The following CGN variants were observed in gnomAD, a reference collection of about 807,000 sequenced individuals.
CGN encodes cingulin.
In CGN, 121 loss-of-function variants were observed where a neutral mutation model predicts 157.1. The observed-to-expected ratio is 0.77, with a 90% confidence interval of 0.66 to 0.90. The LOEUF (loss-of-function observed/expected upper bound fraction) is 0.90. Ranked by LOEUF, CGN falls within the 40% of genes least tolerant of loss-of-function variation. The pLI is 0.00. For missense variants in CGN, 1,424 were observed against 1,520.9 expected, an observed-to-expected ratio of 0.94 and a Z score of 1.06; for synonymous variants, 535 against 607.5, an observed-to-expected ratio of 0.88 and a Z score of 1.76.
At chr1:151,516,547 T>C in intron 1 of CGN, among the ~76,000 whole-genome samples, 1 of 151,304 alleles carries the variant, frequency 6.6e-6, no homozygotes, top group Non-Finnish European at 1.5e-5. Flanking sequence ...TGGCACTTTT[T>C]TTTTTTTTTT....
At position 151,518,675 on chromosome 1, in the gene CGN, G is replaced by A; in HGVS notation, c.156G>A (p.Gly52=). Residue 52 remains glycine (G), a synonymous_variant, in exon 2 of 21, where the codon GGG becomes GGA. Coordinates refer to ENST00000271636, the MANE Select transcript of CGN (RefSeq NM_020770.3). ...AGGATGCAAGAGCCAGTACCTACGG[G>A]GTTGCTGTGCGTGTGCAGGGAATCG... ...PAKDARASTY[G]VAVRVQGIAG... The A allele has an allele frequency of 6.2e-7, 1 of 1,614,206 alleles. No homozygotes were observed. Among genetic ancestry groups the A allele is most frequent in the South Asian group, 1.1e-5 (1 of 91,082 alleles).
chr1:151,532,380 G>T, intron 13 of CGN, 22 bp from the exon 14 acceptor site: 1 of 1,533,978 alleles, frequency 6.5e-7, no homozygotes, highest in South Asian at 1.3e-5. Flanking sequence ...CAGTGCTGAA[G>T]ACCCTTTTCT....
chr1:151,522,730 A>G (rs1664569542), intron 5 of CGN, among the ~76,000 whole-genome samples: 1 of 152,104 alleles, frequency 6.6e-6, no homozygotes, highest in Non-Finnish European at 1.5e-5. Context: ...CCTGACCAAC[A>G]TGGAGAAACC....
chr1:151,520,643 T>A lies in CGN; in HGVS notation c.1092T>A (p.Leu364=). The part of the protein sequence containing the change: ...STKAVAGQGE[L]TRKVEELQRK... ...AGGCCGTGGCAGGGCAGGGTGAGCTTACCCGAAAAGTGGAGGAGCTACAGC... is the reference window on the plus strand; with the variant it reads ...AGGCCGTGGCAGGGCAGGGTGAGCTAACCCGAAAAGTGGAGGAGCTACAGC... The change falls in exon 5 of 21, where the codon CTT becomes CTA. Residue 364 remains leucine (L), a synonymous_variant. Transcript: ENST00000271636. 1 of 1,614,142 alleles carries A rather than the reference T, an allele frequency of 6.2e-7. No homozygotes were observed. The highest frequency in any genetic ancestry group is 8.5e-7 in the Non-Finnish European group (1 of 1,180,020).
rs745824318 is a variant in CGN at position 151,533,986 on chromosome 1, G to A, written c.2754G>A (p.Leu918=). The part of the protein sequence containing the change: ...LSRLQDEIQR[L]RQALQASQAE... Reference sequence around the variant, plus strand: ...TACCCCCTGCCCAGATCCAGAGGCTGCGGCAGGCCCTGCAGGCATCCCAGG... The same window carrying A: ...TACCCCCTGCCCAGATCCAGAGGCTACGGCAGGCCCTGCAGGCATCCCAGG... Residue 918 remains leucine, a synonymous_variant, in exon 15 of 21, where the codon CTG becomes CTA. Transcript: ENST00000271636. The A allele has an allele frequency of 6.2e-7, 1 of 1,608,524 alleles. No homozygotes were observed. The highest frequency in any genetic ancestry group is 8.5e-7 in the Non-Finnish European group (1 of 1,178,526).
intron 13 of CGN, among the ~76,000 whole-genome samples, chr1:151,531,200 C>A (rs1664829289): frequency 6.6e-6 from 1 of 152,018 alleles, no homozygotes; most frequent in South Asian, 2.1e-4. Flanking sequence ...GTTAGGAAGA[C>A]CAAGACCAAA....
rs1016990584 is a variant in CGN, at chr1:151,518,819, C to T, written c.300C>T (p.Leu100=). ...GAGCTCTGAGCTCAGATTTGGAACT[C>T]CCTGAGAACCCCTACTCTCAGGTCA... is the stretch of plus-strand genomic sequence containing the variant. ...ASGALSSDLE[L]PENPYSQVKG... Residue 100 remains leucine (L), a synonymous_variant, in exon 2 of 21, where the codon CTC becomes CTT. Coordinates refer to ENST00000271636, the MANE Select transcript of CGN (RefSeq NM_020770.3). The T allele has an allele frequency of 1.9e-6, 3 of 1,613,986 alleles. No individual in the cohort carries two copies. The highest frequency in any genetic ancestry group is 2.5e-6 in the Non-Finnish European group (3 of 1,179,922).
intron 1 of CGN, among the ~76,000 whole-genome samples, chr1:151,518,224 AGTGAGT>A (rs1664454424): frequency 6.6e-6 from 1 of 152,208 alleles, no homozygotes; most frequent in Non-Finnish European, 1.5e-5. Flanking sequence ...CTTTTAGGTT[AGTGAGT>A]CTCAAAGTGT....
At chr1:151,534,626 T>C in intron 15 of CGN, 1 of 232,832 alleles carries the variant, frequency 4.3e-6, no homozygotes. Flanking sequence ...GTGGTAAATC[T>C]GATTTTCAGA....
In CGN at chr1:151,536,289, G is replaced by C. The variant is rs745520171; in HGVS notation, c.3250G>C (p.Glu1084Gln). The change falls in exon 19 of 21, where the codon GAA becomes CAA. Residue 1084 changes from glutamate to glutamine, a missense_variant. Glu to Gln is a conservative substitution (Grantham distance 29). This residue lies in a region of CGN where 199 missense variants were observed against 272.2 expected (regional missense o/e 0.73). Transcript: ENST00000271636. The stretch of plus-strand genomic sequence containing the variant: ...TCGAAAACTGGAGCGGAAAGTTAAA[G>C]AACTATCCATCCAGATTGAAGACGA... ...TNRKLERKVK[E>Q]LSIQIEDERQ... The C allele has an allele frequency of 1.9e-6, 3 of 1,613,146 alleles. No homozygotes were observed. In the Admixed American group the frequency reaches 5.0e-5, roughly 27 times the overall value.
Position 151,535,531 on chromosome 1 carries a change from C to T in CGN, c.2995-69C>T, listed in dbSNP as rs553557503. On this transcript the variant is annotated intron_variant, in intron 16 of 20. Coordinates refer to ENST00000271636, the MANE Select transcript of CGN (RefSeq NM_020770.3). ...AGACCATCCTCCCATGACTCAGCCT[C>T]ACTTTGTTCAGCTTGCTGGTTCATC... 113 of 1,254,184 alleles carry T rather than the reference C, an allele frequency of 9.0e-5. 6 individuals carry two copies. The South Asian group carries it at 1.2e-3, about 14-fold the overall frequency. 77.7% of individuals were successfully genotyped at this position (1,254,184 alleles called of 1,614,324 possible).
rs1270520670 is a variant in CGN, at chr1:151,511,958, G to C, written c.-15+443G>C. Among the ~76,000 whole-genome samples the C allele has an allele frequency of 2.0e-5, 3 of 152,158 alleles. No individual in the cohort carries two copies. Among genetic ancestry groups the C allele is most frequent in the Non-Finnish European group, 4.4e-5 (3 of 68,020 alleles). ...TGCTGCTCGCCTGAGGGTCTTTCCT[G>C]CGTCCTGCGGTCTCAGCTGGCCGTT... On this transcript the variant is annotated intron_variant, in intron 1 of 20. Transcript: ENST00000271636. This position sits in a 1 kb window ranked among gnomAD's most constrained non-coding sequence, Gnocchi z 4.8.
Position 151,518,777 on chromosome 1 carries a change from T to C in CGN, c.258T>C (p.Asn86=), listed in dbSNP as rs576438381. The change falls in exon 2 of 21, where the codon AAT becomes AAC. Residue 86 remains asparagine, a synonymous_variant. Transcript: ENST00000271636. ...TTGGGGTCCAAATCAAGGGGGCCAA[T>C]GACCAAGGGGCCTCAGGAGCTCTGA... ...DSFGVQIKGA[N]DQGASGALSS... The C allele has an allele frequency of 5.0e-6, 8 of 1,614,082 alleles. No individual in the cohort carries two copies. In the South Asian group the frequency reaches 7.7e-5, roughly 16 times the overall value.
intron 15 of CGN, chr1:151,534,776 T>C: frequency 2.4e-6 from 1 of 422,370 alleles, no homozygotes; most frequent in South Asian, 2.9e-5. Context: ...GAAATAAGGT[T>C]TTCCAATGAA....
At chr1:151,529,143 G>A (rs918069819) in intron 10 of CGN, among the ~76,000 whole-genome samples, 7 of 152,056 alleles carry the variant, frequency 4.6e-5, no homozygotes, top group South Asian at 2.1e-4. Context: ...ACATATTTTC[G>A]GTTCTCTTGG....
chr1:151,527,159 C>T (rs2298168), intron 10 of CGN, 52 bp downstream of exon 10: 1,230,846 of 1,608,032 alleles, frequency 0.77, 488,590 homozygotes, highest in Non-Finnish European at 0.83. Context: ...GAACACCTGC[C>T]TTACCTCTCC....
Position 151,524,079 on chromosome 1 carries a change from A to G in CGN, c.1269-147A>G, listed in dbSNP as rs1664611267. On this transcript the variant is annotated intron_variant, in intron 6 of 20. Coordinates refer to ENST00000271636, the MANE Select transcript of CGN (RefSeq NM_020770.3). This position sits in a 1 kb window ranked among gnomAD's most constrained non-coding sequence, Gnocchi z 4.4. ...AGGCAGATCAGGAGGGCCAGGTTGT[A>G]GCGGGGCAGGTTGCAAAAATCAGGG... The G allele has an allele frequency of 2.9e-6, 2 of 681,818 alleles. No individual in the cohort carries two copies. Among genetic ancestry groups the G allele is most frequent in the South Asian group, 3.9e-5 (2 of 51,830 alleles). The allele number at this position is 681,818 out of a possible 1,614,324, so 42.2% of individuals were successfully genotyped here. A position where few individuals can be genotyped will look rare whatever the true frequency, so the allele number is the denominator to read the frequency against.
chr1:151,519,695 G>A (rs1316292068), intron 2 of CGN, among the ~76,000 whole-genome samples: 1 of 152,222 alleles, frequency 6.6e-6, no homozygotes, highest in Admixed American at 6.5e-5. Flanking sequence ...AAGGTCTGCA[G>A]AATATGTAAG....
chr1:151,511,187 G>A (rs1386609555), upstream of CGN, among the ~76,000 whole-genome samples: 9 of 152,152 alleles, frequency 5.9e-5, no homozygotes, highest in South Asian at 2.1e-4. This position sits in a 1 kb window ranked among gnomAD's most constrained non-coding sequence, Gnocchi z 4.8. Flanking sequence ...GCCCCGCCCC[G>A]ACGCTCCGCA....
Sources: gnomAD v4.1 joint callset for allele counts (sites outside exome capture counted in the v4.1 genomes callset) on GRCh38, gnomAD v4.1.1 for gene constraint, gnomAD v4.1.1 regional missense constraint, Gnocchi (gnomAD v3.1) non-coding constraint, MANE v1.5 for transcripts, NCBI Gene and HGNC (gene_info 2026-07-23, HGNC 2026-07-21) for gene names.